SUPT5H: variants seen among roughly 807,000 people sequenced by gnomAD.
SUPT5H encodes the protein transcription elongation factor SPT5.
A neutral mutation model predicts 142.5 loss-of-function variants in SUPT5H; 24 were observed. The ratio of observed to expected loss-of-function variants is 0.17; its 90% confidence interval spans 0.12 to 0.24. The LOEUF (loss-of-function observed/expected upper bound fraction) is 0.24, where lower values mean the gene tolerates loss of function less well. Ranked by LOEUF, SUPT5H falls within the 10% of genes least tolerant of loss-of-function variation. The pLI is 1.00. For synonymous variants in SUPT5H, 546 were observed against 553.0 expected, an observed-to-expected ratio of 0.99 and a Z score of 0.18; for missense variants, 893 against 1,471.8, an observed-to-expected ratio of 0.61 and a Z score of 6.43.
chr19:39,460,127 C>T (rs748810060), intron 10 of SUPT5H, 167 bp downstream of exon 10: 144 of 664,796 alleles, frequency 2.2e-4, no homozygotes, highest in Middle Eastern at 4.0e-4. Context: ...GGGCTCTTCT[C>T]GGCCTAGATG....
At chr19:39,446,183 T>G (rs867522056) in intron 2 of SUPT5H, among the ~76,000 whole-genome samples, 1 of 152,140 alleles carries the variant, frequency 6.6e-6, no homozygotes, top group Non-Finnish European at 1.5e-5. Context: ...ACAGGTGATG[T>G]TTTGAAAGTT....
At chr19:39,451,738 GC>G (rs1230026757) in intron 2 of SUPT5H, among the ~76,000 whole-genome samples, 2 of 152,094 alleles carry the variant, frequency 1.3e-5, no homozygotes, top group African/African-American at 2.4e-5. Flanking sequence ...CACCACATTG[GC>G]TAGGCGGGTC....
rs140353946 is a variant in SUPT5H, at chr19:39,458,748, C to T, written c.320-70C>T. 1,113 of 1,439,694 alleles carry T rather than the reference C, an allele frequency of 7.7e-4. 2 individuals are homozygous for T. The highest frequency in any genetic ancestry group is 7.7e-4 in the Non-Finnish European group (813 of 1,055,804). 89.2% of individuals were successfully genotyped at this position (1,439,694 alleles called of 1,614,324 possible). The stretch of plus-strand genomic sequence containing the variant: ...CCAAACCCTGGCCCTCTTAGCTGCA[C>T]GCTCCTATTTTCTCCAGGCCCCTGC... On this transcript the variant is annotated intron_variant, in intron 5 of 29. Transcript: ENST00000432763. The surrounding 1 kb of genome is among the most constrained non-coding windows in gnomAD (Gnocchi z 4.2).
intron 2 of SUPT5H, among the ~76,000 whole-genome samples, chr19:39,446,862 A>G (rs2078960579): frequency 6.6e-6 from 1 of 152,172 alleles, no homozygotes; most frequent in East Asian, 1.9e-4. Flanking sequence ...CAAAAAAATT[A>G]GCTTGGCATG....
chr19:39,464,774 T>C (rs374667041), intron 10 of SUPT5H, 24 bp from the exon 11 acceptor site: 1 of 1,575,708 alleles, frequency 6.3e-7, no homozygotes, highest in African/African-American at 1.3e-5. Flanking sequence ...CACTGTTTCC[T>C]CCTTCCACCG....
At chr19:39,454,769 A>G (rs1346210572) in intron 3 of SUPT5H, among the ~76,000 whole-genome samples, 1 of 152,206 alleles carries the variant, frequency 6.6e-6, no homozygotes, top group African/African-American at 2.4e-5. Context: ...AAGAGGGGTT[A>G]CTTAGAACAC....
At chr19:39,452,260 T>A (rs151129619) in intron 2 of SUPT5H, among the ~76,000 whole-genome samples, 3 of 151,590 alleles carry the variant, frequency 2.0e-5, no homozygotes, top group Non-Finnish European at 4.4e-5. Flanking sequence ...TGCATGGAGG[T>A]CTTGAGTTCT....
At chr19:39,459,639 C>G (rs1279407330) in intron 9 of SUPT5H, 50 bp downstream of exon 9, 2 of 1,609,868 alleles carry the variant, frequency 1.2e-6, no homozygotes, top group East Asian at 4.5e-5. Flanking sequence ...ATGAGGGAGG[C>G]TGCTTTGTGG....
rs372784359 is a variant in SUPT5H at position 39,458,224 on chromosome 19, G to A, written c.308-70G>A. ...CTATAATTTGGCTCATACTTTGTCT[G>A]CCCTCGCCCACCACCACCACCACCA... On this transcript the variant is annotated intron_variant, in intron 4 of 29. Coordinates refer to ENST00000432763, the MANE Select transcript of SUPT5H (RefSeq NM_001111020.3). The surrounding 1 kb of genome is among the most constrained non-coding windows in gnomAD (Gnocchi z 4.2). 17 of 1,548,110 alleles carry A rather than the reference G, an allele frequency of 1.1e-5. No homozygotes were observed. In the African/African-American group the frequency reaches 1.5e-4, roughly 14 times the overall value.
intron 4 of SUPT5H, 105 bp downstream of exon 4, chr19:39,457,845 C>T: frequency 6.5e-7 from 1 of 1,540,788 alleles, no homozygotes; most frequent in Non-Finnish European, 8.8e-7. Context: ...ACCCCAACTC[C>T]CACCGTCCTC....
chr19:39,467,614 C>G (rs1048649445), intron 13 of SUPT5H: 3 of 152,102 alleles, frequency 2.0e-5, no homozygotes, highest in African/African-American at 7.2e-5. Context: ...CCTCAGGATG[C>G]CCCCCAGACT....
At position 39,458,455 on chromosome 19, in the gene SUPT5H, G is replaced by A; in HGVS notation, c.319+150G>A. 1.4e-6 allele frequency: 2 copies of A among 1,395,678 alleles called. No homozygotes were observed. The highest frequency in any genetic ancestry group is 1.9e-6 in the Non-Finnish European group (2 of 1,026,540). 86.5% of individuals were successfully genotyped at this position (1,395,678 alleles called of 1,614,324 possible). On this transcript the variant is annotated intron_variant, in intron 5 of 29. Transcript: ENST00000432763. The surrounding 1 kb of genome is among the most constrained non-coding windows in gnomAD (Gnocchi z 4.2). ...CCCATGTAGGATCCAGAGTCAGGGA[G>A]TTCTGGGGCCAGGTATACCCCAGTT...
At position 39,476,394 on chromosome 19, in the gene SUPT5H, G is replaced by T; in HGVS notation, c.3259G>T (p.Ala1087Ser). The T allele has an allele frequency of 6.2e-7, 1 of 1,614,088 alleles. No homozygotes were observed. Among genetic ancestry groups the T allele is most frequent in the Non-Finnish European group, 8.5e-7 (1 of 1,180,040 alleles). ...NLRFLGKLLE[A>S] ...CCGCTTCCTGGGGAAGCTCCTGGAA[G>T]CCTGAAGCAGGCAGGGCCGGTGGAC... Residue 1087 changes from alanine to serine, a missense_variant, in exon 30 of 30, where the codon GCC becomes TCC. Around this residue, in one of 6 missense-constraint regions of SUPT5H, gnomAD observed 336 missense variants for 546.5 expected, o/e 0.61. Transcript: ENST00000432763.
chr19:39,458,246 A>T lies in SUPT5H; in HGVS notation c.308-48A>T. Reference sequence around the variant, plus strand: ...TCTGCCCTCGCCCACCACCACCACCACCACCACCACCACCACCACCACCAC... The same window carrying T: ...TCTGCCCTCGCCCACCACCACCACCTCCACCACCACCACCACCACCACCAC... On this transcript the variant is annotated intron_variant, in intron 4 of 29. Coordinates refer to ENST00000432763, the MANE Select transcript of SUPT5H (RefSeq NM_001111020.3). This position sits in a 1 kb window ranked among gnomAD's most constrained non-coding sequence, Gnocchi z 4.2. 1.3e-6 allele frequency: 1 copy of T among 776,850 alleles called. No homozygotes were observed. 48.1% of individuals were successfully genotyped at this position (776,850 alleles called of 1,614,324 possible).
At chr19:39,454,356 G>T (rs28450060) in intron 3 of SUPT5H, among the ~76,000 whole-genome samples, 581 of 26,128 alleles carry the variant, frequency 0.022, 65 homozygotes, top group Middle Eastern at 0.071. Flanking sequence ...TGTTGTCGTT[G>T]TTTTTTTTTT....
At chr19:39,452,287 C>G (rs1479154925) in intron 2 of SUPT5H, among the ~76,000 whole-genome samples, 8 of 152,040 alleles carry the variant, frequency 5.3e-5, no homozygotes, top group Non-Finnish European at 1.0e-4. Context: ...AAGTGGGACT[C>G]TATAGACAGA....
Position 39,458,972 on chromosome 19 carries a change from C to T in SUPT5H, c.390-33C>T. The T allele has an allele frequency of 2.5e-6, 4 of 1,614,092 alleles. No homozygotes were observed. Among genetic ancestry groups the T allele is most frequent in the Non-Finnish European group, 2.5e-6 (3 of 1,180,012 alleles). ...CAGCCCACCTGCTGTCCTCAACCTT[C>T]AATTCGTGTTTGCTTCCCCACTCGT... is the stretch of plus-strand genomic sequence containing the variant. On this transcript the variant is annotated intron_variant, in intron 6 of 29. Transcript: ENST00000432763. This position sits in a 1 kb window ranked among gnomAD's most constrained non-coding sequence, Gnocchi z 4.2.
chr19:39,460,881 C>G (rs775611378), intron 10 of SUPT5H, among the ~76,000 whole-genome samples: 5 of 152,048 alleles, frequency 3.3e-5, no homozygotes, highest in African/African-American at 4.8e-5. Flanking sequence ...ATGATCCCTG[C>G]TAGGGATCAT....
intron 2 of SUPT5H, among the ~76,000 whole-genome samples, chr19:39,451,454 C>A (rs568961798): frequency 3.3e-5 from 5 of 151,954 alleles, no homozygotes; most frequent in Non-Finnish European, 7.4e-5. Context: ...AGCCACCGCG[C>A]CCAGCCTGAG....
Sources: gnomAD v4.1 joint callset for allele counts (sites outside exome capture counted in the v4.1 genomes callset) on GRCh38, gnomAD v4.1.1 for gene constraint, gnomAD v4.1.1 regional missense constraint, Gnocchi (gnomAD v3.1) non-coding constraint, MANE v1.5 for transcripts, NCBI Gene and HGNC (gene_info 2026-07-23, HGNC 2026-07-21) for gene names.